Variants in KLF6 observed in about 807,000 individuals in gnomAD.
KLF6 encodes the protein KLF transcription factor 6, also known as Krueppel-like factor 6.
For missense variants in KLF6, 233 were observed against 359.8 expected, an observed-to-expected ratio of 0.65 and a Z score of 2.85; for synonymous variants, 152 against 147.9, an observed-to-expected ratio of 1.03 and a Z score of -0.20.
In KLF6 at chr10:3,784,874, C is replaced by G. The variant is rs535021036; in HGVS notation, c.102+39G>C. On this transcript the variant is annotated intron_variant, in intron 1 of 3. Transcript: ENST00000497571. ...CCCCAAACAGCCGACCCGGCCCGCG[C>G]CCCGGCGCCCGCAGGGAACCGCGGC... The G allele has an allele frequency of 6.4e-5, 101 of 1,580,294 alleles. 1 individual carries two copies. In the South Asian group the frequency reaches 1.1e-3, roughly 17 times the overall value.
intron 3 of KLF6, 88 bp from the exon 4 acceptor site, chr10:3,779,678 C>T: frequency 8.6e-7 from 1 of 1,159,292 alleles, no homozygotes; most frequent in Non-Finnish European, 1.3e-6. Flanking sequence ...CCCTGCCCTG[C>T]CCAGCCTAAC....
rs530349823 is a variant in KLF6 at position 3,777,253 on chromosome 10, G to T, written c.*2286C>A. 55 of 515,230 alleles carry T rather than the reference G, an allele frequency of 1.1e-4. No homozygotes were observed. Among genetic ancestry groups the T allele is most frequent in the African/African-American group, 8.7e-4 (46 of 52,730 alleles). 31.9% of individuals were successfully genotyped at this position (515,230 alleles called of 1,614,324 possible). A position where few individuals can be genotyped will look rare whatever the true frequency, so the allele number is the denominator to read the frequency against. ...ATAAAGCAAAGAGCCACACCCACAAGCCAGCAGCTGGGTGAAATATCAGCT... is the reference window on the plus strand; with the variant it reads ...ATAAAGCAAAGAGCCACACCCACAATCCAGCAGCTGGGTGAAATATCAGCT... On this transcript the variant is annotated 3_prime_UTR_variant, in exon 4 of 4. Coordinates refer to ENST00000497571, the MANE Select transcript of KLF6 (RefSeq NM_001300.6).
In KLF6 at chr10:3,780,028, C is replaced by G; in HGVS notation, c.800+78G>C. ...CTGCATGCCTTCCTTCGAATGTGCC[C>G]TGCACACCTACTCAACCCTGGTCAT... On this transcript the variant is annotated intron_variant, in intron 3 of 3. Coordinates refer to ENST00000497571, the MANE Select transcript of KLF6 (RefSeq NM_001300.6). The surrounding 1 kb of genome is among the most constrained non-coding windows in gnomAD (Gnocchi z 4.6). 6.4e-7 allele frequency: 1 copy of G among 1,564,896 alleles called. No homozygotes were observed. The highest frequency in any genetic ancestry group is 1.3e-5 in the African/African-American group (1 of 74,184).
Position 3,780,733 on chromosome 10 carries a change from T to C in KLF6, c.677-504A>G. ...CCAGTACAGGGCCCCGGAATCATTC[T>C]CTAAATGGCAATTGAACAACTGGGT... is the stretch of plus-strand genomic sequence containing the variant. On this transcript the variant is annotated intron_variant, in intron 2 of 3. Coordinates refer to ENST00000497571, the MANE Select transcript of KLF6 (RefSeq NM_001300.6). The surrounding 1 kb of genome is among the most constrained non-coding windows in gnomAD (Gnocchi z 4.6). 4.8e-6 allele frequency: 1 copy of C among 208,324 alleles called. No individual in the cohort carries two copies. The highest frequency in any genetic ancestry group is 1.0e-5 in the Non-Finnish European group (1 of 99,402). 12.9% of individuals were successfully genotyped at this position (208,324 alleles called of 1,614,324 possible). A position where few individuals can be genotyped will look rare whatever the true frequency, so the allele number is the denominator to read the frequency against.
rs1200953008 is a variant in KLF6, at chr10:3,785,153, C to T, written c.-139G>A. Reference sequence around the variant, plus strand: ...TCGCAGAGACGCCCGGCCGGACCCTCCCGCAGCCCGCAGCGCGCGGAGCCC... The same window carrying T: ...TCGCAGAGACGCCCGGCCGGACCCTTCCGCAGCCCGCAGCGCGCGGAGCCC... On this transcript the variant is annotated 5_prime_UTR_variant, in exon 1 of 4. Coordinates refer to ENST00000497571, the MANE Select transcript of KLF6 (RefSeq NM_001300.6). 5 of 1,492,202 alleles carry T rather than the reference C, an allele frequency of 3.4e-6. No homozygotes were observed. The highest frequency in any genetic ancestry group is 4.5e-6 in the Non-Finnish European group (5 of 1,105,016). 92.4% of individuals were successfully genotyped at this position (1,492,202 alleles called of 1,614,324 possible).
In KLF6 at chr10:3,781,147, A is replaced by C. The variant is rs1458303812; in HGVS notation, c.676+494T>G. On this transcript the variant is annotated intron_variant, in intron 2 of 3. Coordinates refer to ENST00000497571, the MANE Select transcript of KLF6 (RefSeq NM_001300.6). The surrounding 1 kb of genome is among the most constrained non-coding windows in gnomAD (Gnocchi z 5.8). ...ATGAGACACGGAGAAGTTCTCAGGAAACACTCGCTGATCAATGCTGCTGCT... is the reference window on the plus strand; with the variant it reads ...ATGAGACACGGAGAAGTTCTCAGGACACACTCGCTGATCAATGCTGCTGCT... The C allele has an allele frequency of 4.0e-6, 1 of 249,246 alleles. No homozygotes were observed. The highest frequency in any genetic ancestry group is 2.2e-5 in the African/African-American group (1 of 44,664). 15.4% of individuals were successfully genotyped at this position (249,246 alleles called of 1,614,324 possible).
intron 1 of KLF6, among the ~76,000 whole-genome samples, chr10:3,784,499 TG>T (rs1293397542): frequency 6.6e-6 from 1 of 151,864 alleles, no homozygotes; most frequent in African/African-American, 2.4e-5. Flanking sequence ...GTCTACGTTC[TG>T]GGGGCAAAAT....
Position 3,785,023 on chromosome 10 carries a change from G to A in KLF6, c.-9C>T. On this transcript the variant is annotated 5_prime_UTR_variant, in exon 1 of 4. Coordinates refer to ENST00000497571, the MANE Select transcript of KLF6 (RefSeq NM_001300.6). Reference sequence around the variant, plus strand: ...ATGGGGAGCACGTCCATGTCGGGCCGGGTTGGACGGAGCCCGCGGTCGCGA... The same window carrying A: ...ATGGGGAGCACGTCCATGTCGGGCCAGGTTGGACGGAGCCCGCGGTCGCGA... 1.9e-6 allele frequency: 3 copies of A among 1,611,086 alleles called. No individual in the cohort carries two copies. The highest frequency in any genetic ancestry group is 1.1e-5 in the South Asian group (1 of 90,890).
rs1458737333 is a variant in KLF6 at position 3,777,955 on chromosome 10, GA to G, written c.*1583del. On this transcript the variant is annotated 3_prime_UTR_variant, in exon 4 of 4. Transcript: ENST00000497571. Reference sequence around the variant, plus strand: ...ATACTTCTGTATCTTTAATATGTGTGAAAATGTTACATATTAAATACAGCCG... The same window carrying G: ...ATACTTCTGTATCTTTAATATGTGTGAAATGTTACATATTAAATACAGCCG... The G allele has an allele frequency of 2.0e-6, 1 of 498,238 alleles. No individual in the cohort carries two copies. The highest frequency in any genetic ancestry group is 1.9e-5 in the African/African-American group (1 of 51,768). 30.9% of individuals were successfully genotyped at this position (498,238 alleles called of 1,614,324 possible).
At chr10:3,784,162 C>G (rs1020674657) in intron 1 of KLF6, among the ~76,000 whole-genome samples, 2 of 152,176 alleles carry the variant, frequency 1.3e-5, no homozygotes, top group Non-Finnish European at 2.9e-5. Context: ...GTCAGTCTCT[C>G]TCCCCTCGGG....
Position 3,776,928 on chromosome 10 carries a change from T to C in KLF6, c.*2611A>G. ...AGACAAGCCAGTGCAAGTTTTTTTT[T>C]TTCCTTTTTTTTTTTTTGTCTTTTG... is the stretch of plus-strand genomic sequence containing the variant. On this transcript the variant is annotated 3_prime_UTR_variant, in exon 4 of 4. Transcript: ENST00000497571. 1.9e-6 allele frequency: 1 copy of C among 513,828 alleles called. No individual in the cohort carries two copies. The highest frequency in any genetic ancestry group is 3.7e-6 in the Non-Finnish European group (1 of 267,374). 31.8% of individuals were successfully genotyped at this position (513,828 alleles called of 1,614,324 possible).
chr10:3,776,397 G>A lies in KLF6; in HGVS notation c.*3142C>T, dbSNP rs956514515. ...TCGCTGACATCCTCTCCAGCTCCCA[G>A]GACAGGCTGTGGAAAGAGGAAGGGG... On this transcript the variant is annotated 3_prime_UTR_variant, in exon 4 of 4. Coordinates refer to ENST00000497571, the MANE Select transcript of KLF6 (RefSeq NM_001300.6). The A allele has an allele frequency of 3.4e-5, 18 of 531,840 alleles. No homozygotes were observed. Among genetic ancestry groups the A allele is most frequent in the Non-Finnish European group, 5.8e-5 (16 of 274,870 alleles). The allele number at this position is 531,840 out of a possible 1,614,324, so 32.9% of individuals were successfully genotyped here.
Position 3,776,120 on chromosome 10 carries a change from G to A in KLF6, c.*3419C>T, listed in dbSNP as rs1452243294. On this transcript the variant is annotated 3_prime_UTR_variant, in exon 4 of 4. Coordinates refer to ENST00000497571, the MANE Select transcript of KLF6 (RefSeq NM_001300.6). ...CCCCTCCCAGACATGCCTCAGCCAG[G>A]TGTGTGGCAGGGCTGGCTGGGGAAG... 1.9e-6 allele frequency: 1 copy of A among 530,196 alleles called. No homozygotes were observed. Among genetic ancestry groups the A allele is most frequent in the Non-Finnish European group, 3.7e-6 (1 of 273,624 alleles). The allele number at this position is 530,196 out of a possible 1,614,324, so 32.8% of individuals were successfully genotyped here. A position where few individuals can be genotyped will look rare whatever the true frequency, so the allele number is the denominator to read the frequency against.
In KLF6 at chr10:3,782,350, G is replaced by A; in HGVS notation, c.103-136C>T. 1.1e-5 allele frequency: 8 copies of A among 726,526 alleles called. No individual in the cohort carries two copies. Among genetic ancestry groups the A allele is most frequent in the Non-Finnish European group, 1.7e-5 (7 of 410,056 alleles). The allele number at this position is 726,526 out of a possible 1,614,324, so 45.0% of individuals were successfully genotyped here. A position where few individuals can be genotyped will look rare whatever the true frequency, so the allele number is the denominator to read the frequency against. ...GGTCACTACAGGGGCAAAACCTTTT[G>A]TAATTAAGCATCCGTGTCCTTACGG... is the stretch of plus-strand genomic sequence containing the variant. On this transcript the variant is annotated intron_variant, in intron 1 of 3. Coordinates refer to ENST00000497571, the MANE Select transcript of KLF6 (RefSeq NM_001300.6). The surrounding 1 kb of genome is among the most constrained non-coding windows in gnomAD (Gnocchi z 4.3).
chr10:3,784,675 G>A (rs1379680392), intron 1 of KLF6, among the ~76,000 whole-genome samples: 1 of 152,218 alleles, frequency 6.6e-6, no homozygotes, highest in Admixed American at 6.5e-5. Flanking sequence ...CTGGAGCGGG[G>A]ACAGGCTCCG....
In KLF6 at chr10:3,782,239, C is replaced by T; in HGVS notation, c.103-25G>A. 1 of 1,579,748 alleles carries T rather than the reference C, an allele frequency of 6.3e-7. No homozygotes were observed. The highest frequency in any genetic ancestry group is 8.6e-7 in the Non-Finnish European group (1 of 1,160,364). ...TCTGTGCAAAATGAACCAGAGAAGG[C>T]ACGTGATTGCCATGACGACCAAAAG... On this transcript the variant is annotated intron_variant, in intron 1 of 3. Transcript: ENST00000497571. The surrounding 1 kb of genome is among the most constrained non-coding windows in gnomAD (Gnocchi z 4.3).
chr10:3,784,870 C>T (rs1832614636), intron 1 of KLF6, 43 bp downstream of exon 1: 1 of 1,576,296 alleles, frequency 6.3e-7, no homozygotes, highest in Non-Finnish European at 8.6e-7. Flanking sequence ...CGACCCGGCC[C>T]GCGCCCCGGC....
In KLF6 at chr10:3,781,726, C is replaced by T. The variant is rs746713487; in HGVS notation, c.591G>A (p.Arg197=). 6.2e-7 allele frequency: 1 copy of T among 1,614,252 alleles called. No individual in the cohort carries two copies. Among genetic ancestry groups the T allele is most frequent in the East Asian group, 2.2e-5 (1 of 44,884 alleles). ...CGTTAAAGTGGCACCGGTGCACCCTCCTCCTGCCGTCGGGGGAGGCATCGC... is the reference window on the plus strand; with the variant it reads ...CGTTAAAGTGGCACCGGTGCACCCTTCTCCTGCCGTCGGGGGAGGCATCGC... ...GNGDASPDGR[R]RVHRCHFNGC... Residue 197 remains arginine, a synonymous_variant, in exon 2 of 4, where the codon AGG becomes AGA. Transcript: ENST00000497571. This position sits in a 1 kb window ranked among gnomAD's most constrained non-coding sequence, Gnocchi z 5.8.
rs533852090 is a variant in KLF6 at position 3,781,585 on chromosome 10, T to G, written c.676+56A>C. ...CAGGCCCGGCTCCCTCCAGGGCTGGTGCAATGCAGTGGCGCCCACCAGCGG... is the reference window on the plus strand; with the variant it reads ...CAGGCCCGGCTCCCTCCAGGGCTGGGGCAATGCAGTGGCGCCCACCAGCGG... On this transcript the variant is annotated intron_variant, in intron 2 of 3. Coordinates refer to ENST00000497571, the MANE Select transcript of KLF6 (RefSeq NM_001300.6). The surrounding 1 kb of genome is among the most constrained non-coding windows in gnomAD (Gnocchi z 5.8). The G allele has an allele frequency of 3.1e-6, 5 of 1,601,750 alleles. No homozygotes were observed. The highest frequency in any genetic ancestry group is 4.3e-6 in the Non-Finnish European group (5 of 1,174,244).
Sources: allele counts gnomAD v4.1 joint callset (sites outside exome capture counted in the v4.1 genomes callset), GRCh38; gene constraint gnomAD v4.1.1; non-coding constraint Gnocchi (gnomAD v3.1); transcripts MANE v1.5; gene names NCBI Gene and HGNC (gene_info 2026-07-23, HGNC 2026-07-21).